MYO1D: variants seen among roughly 807,000 people sequenced by gnomAD.
The protein encoded by MYO1D is myosin ID, also known as unconventional myosin-Id.
MYO1D carries 83 observed loss-of-function variants against 122.0 expected under a neutral mutation model. That is an observed-to-expected ratio of 0.68 (90% CI 0.57 to 0.82). The LOEUF is 0.82. MYO1D is among the 40% of genes least tolerant of loss of function. The pLI is 0.00. For missense variants in MYO1D, 1,157 were observed against 1,269.5 expected, an observed-to-expected ratio of 0.91 and a Z score of 1.35; for synonymous variants, 464 against 446.9, an observed-to-expected ratio of 1.04 and a Z score of -0.48.
At chr17:32,588,476 C>T (rs1567899644) in intron 21 of MYO1D, among the ~76,000 whole-genome samples, 1 of 152,170 alleles carries the variant, frequency 6.6e-6, no homozygotes, top group Non-Finnish European at 1.5e-5. Context: ...AAAGACTAAA[C>T]CAACCCAAGA....
intron 21 of MYO1D, among the ~76,000 whole-genome samples, chr17:32,556,519 TA>T (rs2150887597): frequency 6.6e-6 from 1 of 151,582 alleles, no homozygotes; most frequent in Admixed American, 6.6e-5. Context: ...AAGCCCACTG[TA>T]AACCGTGCAG....
chr17:32,686,819 T>G (rs1174905231), intron 16 of MYO1D, among the ~76,000 whole-genome samples: 1 of 151,964 alleles, frequency 6.6e-6, no homozygotes, highest in Non-Finnish European at 1.5e-5. Flanking sequence ...TGAGCCATAA[T>G]CACACTACTG....
chr17:32,755,048 A>G (rs1240772345), intron 11 of MYO1D, among the ~76,000 whole-genome samples: 1 of 152,258 alleles, frequency 6.6e-6, no homozygotes, highest in Non-Finnish European at 1.5e-5. Context: ...AGGAAGTCAT[A>G]TGATCTGAAG....
chr17:32,670,801 C>T (rs565691619), intron 16 of MYO1D, among the ~76,000 whole-genome samples: 1 of 152,318 alleles, frequency 6.6e-6, no homozygotes, highest in South Asian at 2.1e-4. Flanking sequence ...CACACTGGAG[C>T]GATGATCTGA....
chr17:32,730,899 C>A (rs1025230321), intron 14 of MYO1D, among the ~76,000 whole-genome samples: 1 of 145,054 alleles, frequency 6.9e-6, no homozygotes, highest in Non-Finnish European at 1.5e-5. Context: ...TTCTCTTCCA[C>A]GTGTCTTTTT....
intron 16 of MYO1D, among the ~76,000 whole-genome samples, chr17:32,707,672 A>G (rs551740380): frequency 7.9e-5 from 12 of 152,348 alleles, no homozygotes; most frequent in Non-Finnish European, 1.3e-4. Context: ...ACAGCTCCCT[A>G]CGTTGATACA....
intron 19 of MYO1D, among the ~76,000 whole-genome samples, chr17:32,643,229 T>C (rs1171208892): frequency 6.6e-6 from 1 of 152,258 alleles, no homozygotes; most frequent in Non-Finnish European, 1.5e-5. Context: ...TTACGTTTAC[T>C]GATTTGCATA....
At chr17:32,737,492 C>T (rs1481583580) in intron 14 of MYO1D, among the ~76,000 whole-genome samples, 3 of 152,088 alleles carry the variant, frequency 2.0e-5, no homozygotes, top group African/African-American at 7.2e-5. Flanking sequence ...TCCAGAGTAC[C>T]TGGGACCACA....
At chr17:32,510,110 G>A (rs1221005517) in intron 21 of MYO1D, 1 of 152,250 alleles carries the variant, frequency 6.6e-6, no homozygotes, top group African/African-American at 2.4e-5. Flanking sequence ...GAAAGCTCAA[G>A]CAACTTCTTG....
intron 21 of MYO1D, among the ~76,000 whole-genome samples, chr17:32,554,951 G>A (rs2087055329): frequency 6.6e-6 from 1 of 152,076 alleles, no homozygotes; most frequent in Admixed American, 6.6e-5. Context: ...AGCATAACAT[G>A]GTACAAGCTT....
intron 16 of MYO1D, among the ~76,000 whole-genome samples, chr17:32,695,898 A>G (rs1339080250): frequency 1.3e-5 from 2 of 152,240 alleles, no homozygotes; most frequent in Non-Finnish European, 2.9e-5. Flanking sequence ...CAGTTCTCAA[A>G]GTGTGGTTGG....
intron 13 of MYO1D, 150 bp from the exon 14 acceptor site, chr17:32,738,535 G>C: frequency 1.3e-6 from 1 of 797,184 alleles, no homozygotes; most frequent in Non-Finnish European, 1.8e-6. Context: ...ATTCCATCCA[G>C]AAAATTATGC....
chr17:32,835,082 C>T (rs1206279819), intron 1 of MYO1D, among the ~76,000 whole-genome samples: 1 of 152,070 alleles, frequency 6.6e-6, no homozygotes, highest in Non-Finnish European at 1.5e-5. Context: ...AGGATATATA[C>T]AAGGTCCTGC....
At chr17:32,654,879 T>C (rs1456115935) in intron 17 of MYO1D, among the ~76,000 whole-genome samples, 2 of 152,098 alleles carry the variant, frequency 1.3e-5, no homozygotes, top group Non-Finnish European at 2.9e-5. Flanking sequence ...GGTTTCACCA[T>C]GTTGGCCAGG....
At chr17:32,620,826 A>C (rs2087845907) in intron 20 of MYO1D, among the ~76,000 whole-genome samples, 1 of 152,174 alleles carries the variant, frequency 6.6e-6, no homozygotes, top group Non-Finnish European at 1.5e-5. Flanking sequence ...CAAACATCAC[A>C]GGCTGGAGCA....
rs755679353 is a variant in MYO1D at position 32,745,183 on chromosome 17, G to C, written c.1613+28C>G. 1.1e-5 allele frequency: 13 copies of C among 1,224,048 alleles called. No homozygotes were observed. In the South Asian group the frequency reaches 1.3e-4, roughly 12 times the overall value. The allele number at this position is 1,224,048 out of a possible 1,614,324, so 75.8% of individuals were successfully genotyped here. A position where few individuals can be genotyped will look rare whatever the true frequency, so the allele number is the denominator to read the frequency against. On this transcript the variant is annotated intron_variant, in intron 13 of 21. Transcript: ENST00000318217. ...TACATATGTCAATGAGCTTAATCTA[G>C]AGTTAATTAATAAAATTTCAATCTT...
At chr17:32,522,204 T>C (rs766003920) in intron 21 of MYO1D, among the ~76,000 whole-genome samples, 2 of 150,978 alleles carry the variant, frequency 1.3e-5, no homozygotes, top group Non-Finnish European at 2.9e-5. Context: ...AAGCAAAACA[T>C]TAACTAAAAA....
intron 11 of MYO1D, among the ~76,000 whole-genome samples, chr17:32,752,359 T>C (rs960913781): frequency 4.6e-5 from 7 of 152,206 alleles, no homozygotes; most frequent in African/African-American, 1.2e-4. Context: ...CTTCTGGACA[T>C]TGGCCTAGGC....
chr17:32,700,350 T>C (rs2089230513), intron 16 of MYO1D, among the ~76,000 whole-genome samples: 2 of 152,232 alleles, frequency 1.3e-5, no homozygotes, highest in Admixed American at 6.5e-5. Context: ...CCAATGCCGC[T>C]GCTGATCTGA....
Sources: gnomAD v4.1 joint callset for allele counts (sites outside exome capture counted in the v4.1 genomes callset) on GRCh38, gnomAD v4.1.1 for gene constraint, MANE v1.5 for transcripts, NCBI Gene and HGNC (gene_info 2026-07-23, HGNC 2026-07-21) for gene names.